TTYH2: variants seen among roughly 807,000 people sequenced by gnomAD.
TTYH2 encodes tweety family member 2.
TTYH2 carries 49 observed loss-of-function variants against 68.3 expected under a neutral mutation model. That is an observed-to-expected ratio of 0.72 (90% CI 0.57 to 0.91). TTYH2 has a LOEUF of 0.91. Among genes scored for constraint, TTYH2 ranks in the 40% least tolerant of loss-of-function variants. The pLI is 0.00. For synonymous variants in TTYH2, 272 were observed against 300.8 expected (o/e 0.90, Z 0.99); for missense variants, 631 against 700.4 (o/e 0.90, Z 1.12).
At chr17:74,254,777 G>C (rs1402024699) in intron 13 of TTYH2, among the ~76,000 whole-genome samples, 2 of 152,172 alleles carry the variant, frequency 1.3e-5, no homozygotes, top group Admixed American at 6.5e-5. Context: ...TTCCCTTTTT[G>C]CTCCAGAGAA....
intron 1 of TTYH2, among the ~76,000 whole-genome samples, chr17:74,219,894 G>T (rs2143715137): frequency 1.3e-5 from 2 of 152,178 alleles, no homozygotes; most frequent in Middle Eastern, 3.4e-3. Context: ...TCTTCTGAGG[G>T]ACACAGCCCT....
chr17:74,214,185 TGAGTA>T lies in TTYH2; in HGVS notation c.129+474_129+478del, dbSNP rs991169885. On this transcript the variant is annotated intron_variant, in intron 1 of 13. Transcript: ENST00000269346. This position sits in a 1 kb window ranked among gnomAD's most constrained non-coding sequence, Gnocchi z 4.6. ...TGGCCTAGGAAAGTTTGGCAGAAAC[TGAGTA>T]GAGTCTCCCGAGTCGGTCTTCGCAG... Among the ~76,000 whole-genome samples the T allele has an allele frequency of 1.8e-4, 27 of 152,090 alleles. No individual in the cohort carries two copies. Among genetic ancestry groups the T allele is most frequent in the African/African-American group, 5.8e-4 (24 of 41,506 alleles).
In TTYH2 at chr17:74,231,592, A is replaced by T. The variant is rs979122425; in HGVS notation, c.414+593A>T. Among the ~76,000 whole-genome samples the T allele has an allele frequency of 2.0e-5, 3 of 151,992 alleles. No homozygotes were observed. In the East Asian group the frequency reaches 5.8e-4, roughly 29 times the overall value. On this transcript the variant is annotated intron_variant, in intron 3 of 13. Coordinates refer to ENST00000269346, the MANE Select transcript of TTYH2 (RefSeq NM_032646.6). ...CTTGGGAGGCTGAGGCAGGGAGATC[A>T]CTTGAGCCTGGGAAGCGGAGGTTGC... is the stretch of plus-strand genomic sequence containing the variant.
chr17:74,226,794 G>A (rs2050334791), intron 2 of TTYH2, among the ~76,000 whole-genome samples: 1 of 152,060 alleles, frequency 6.6e-6, no homozygotes, highest in South Asian at 2.1e-4. Context: ...TTGGGAAAGA[G>A]TAGTGTGAAC....
chr17:74,223,285 T>TGGGGG (rs1555597190), intron 2 of TTYH2, among the ~76,000 whole-genome samples: 1 of 117,734 alleles, frequency 8.5e-6, no homozygotes, highest in African/African-American at 3.5e-5. Flanking sequence ...GCTTTTTTTT[T>TGGGGG]GGGGGGCGGG....
At chr17:74,258,153 CAAAG>C (rs1320117045) in intron 13 of TTYH2, among the ~76,000 whole-genome samples, 1 of 151,402 alleles carries the variant, frequency 6.6e-6, no homozygotes, top group African/African-American at 2.4e-5. Flanking sequence ...GATTCTGTCT[CAAAG>C]AAAATAAAAA....
At chr17:74,226,570 G>T (rs542312075) in intron 2 of TTYH2, among the ~76,000 whole-genome samples, 1 of 152,296 alleles carries the variant, frequency 6.6e-6, no homozygotes, top group South Asian at 2.1e-4. Context: ...GCAGGAAGGA[G>T]AGTCGGGACA....
Position 74,222,350 on chromosome 17 carries a change from C to T in TTYH2, c.130-135C>T, listed in dbSNP as rs1272124554. 2.8e-6 allele frequency: 3 copies of T among 1,073,760 alleles called. No homozygotes were observed. The highest frequency in any genetic ancestry group is 3.2e-5 in the African/African-American group (2 of 62,714). 66.5% of individuals were successfully genotyped at this position (1,073,760 alleles called of 1,614,324 possible). On this transcript the variant is annotated intron_variant, in intron 1 of 13. Coordinates refer to ENST00000269346, the MANE Select transcript of TTYH2 (RefSeq NM_032646.6). The surrounding 1 kb of genome is among the most constrained non-coding windows in gnomAD (Gnocchi z 5.2). ...TCTGTTTACAGAGTAGGAGCTTGAA[C>T]CCTAGGTGGAGCTTGGAAGGATGGA...
intron 2 of TTYH2, among the ~76,000 whole-genome samples, chr17:74,228,749 A>G (rs946085989): frequency 6.6e-6 from 1 of 152,160 alleles, no homozygotes; most frequent in Admixed American, 6.6e-5. Context: ...GTGCCCTGGG[A>G]AGTGGAGGAC....
At chr17:74,231,123 G>A in intron 3 of TTYH2, 124 bp downstream of exon 3, 1 of 883,968 alleles carries the variant, frequency 1.1e-6, no homozygotes, top group Non-Finnish European at 1.7e-6. Flanking sequence ...TGACGCCTGA[G>A]GGCTGGACCC....
At chr17:74,254,122 T>C (rs2050668455) in intron 13 of TTYH2, among the ~76,000 whole-genome samples, 1 of 152,168 alleles carries the variant, frequency 6.6e-6, no homozygotes, top group African/African-American at 2.4e-5. Context: ...TAGTCCACCT[T>C]AATCCACTTG....
At chr17:74,257,587 G>A (rs1019556370) in intron 13 of TTYH2, among the ~76,000 whole-genome samples, 2 of 152,210 alleles carry the variant, frequency 1.3e-5, no homozygotes, top group African/African-American at 4.8e-5. Context: ...ACCTCACTGG[G>A]TGGGTGATGT....
chr17:74,246,827 G>A (rs549364055), intron 6 of TTYH2, among the ~76,000 whole-genome samples: 35 of 152,264 alleles, frequency 2.3e-4, no homozygotes, highest in African/African-American at 7.7e-4. Flanking sequence ...AGCAAGTCAC[G>A]TCTTACATGG....
In TTYH2 at chr17:74,243,484, C is replaced by T; in HGVS notation, c.731+15C>T. On this transcript the variant is annotated intron_variant, in intron 5 of 13. Coordinates refer to ENST00000269346, the MANE Select transcript of TTYH2 (RefSeq NM_032646.6). ...CTCCTGGCCTCGTGAGTATCCCTAC[C>T]CGTGGACCTGGGACAAAGAGCTGGG... The T allele has an allele frequency of 6.2e-7, 1 of 1,612,780 alleles. No homozygotes were observed. The highest frequency in any genetic ancestry group is 8.5e-7 in the Non-Finnish European group (1 of 1,178,740).
chr17:74,237,028 C>G (rs576130619), intron 3 of TTYH2, among the ~76,000 whole-genome samples: 1 of 152,034 alleles, frequency 6.6e-6, no homozygotes, highest in Non-Finnish European at 1.5e-5. Context: ...TCCCAAGTAG[C>G]TAGGACTATA....
At position 74,222,486 on chromosome 17, in the gene TTYH2, C is replaced by T. The variant is rs746749564; in HGVS notation, c.131C>T (p.Ser44Leu). 6.8e-6 allele frequency: 11 copies of T among 1,607,856 alleles called. No individual in the cohort carries two copies. The highest frequency in any genetic ancestry group is 6.7e-5 in the Admixed American group (4 of 59,822). The stretch of plus-strand genomic sequence containing the variant: ...CAACAGGCCTCTGCTCTCTTCCAGT[C>T]GCTGCTGTTCCTGGGGCTGGTGGCC... ...FSPGDESYQE[S>L]LLFLGLVAAV... Residue 44 changes from serine to leucine, a missense_variant and splice_region_variant, in exon 2 of 14, where the codon TCG (serine) becomes TTG (leucine). Transcript: ENST00000269346. The surrounding 1 kb of genome is among the most constrained non-coding windows in gnomAD (Gnocchi z 5.2).
chr17:74,248,503 C>T, intron 6 of TTYH2: 1 of 992,666 alleles, frequency 1.0e-6, no homozygotes, highest in Non-Finnish European at 1.2e-6. Flanking sequence ...TCAGCACCAA[C>T]CTCATTCTTT....
At position 74,239,580 on chromosome 17, in the gene TTYH2, G is replaced by T. The variant is rs776125208; in HGVS notation, c.635+2066G>T. 1.8e-4 allele frequency among the ~76,000 whole-genome samples: 27 copies of T among 152,154 alleles called. No homozygotes were observed. Among genetic ancestry groups the T allele is most frequent in the Admixed American group, 3.3e-4 (5 of 15,288 alleles). On this transcript the variant is annotated intron_variant, in intron 4 of 13. Coordinates refer to ENST00000269346, the MANE Select transcript of TTYH2 (RefSeq NM_032646.6). The surrounding 1 kb of genome is among the most constrained non-coding windows in gnomAD (Gnocchi z 5.3). ...CTCCCCTTCCCAAAAATAGGAGGTG[G>T]CAGGTCCCTGAGCAGAGGGAGCTCA...
chr17:74,223,332 C>T (rs2050298056), intron 2 of TTYH2, among the ~76,000 whole-genome samples: 1 of 151,924 alleles, frequency 6.6e-6, no homozygotes, highest in African/African-American at 2.4e-5. Context: ...CATCAAGTTC[C>T]CCAGGCTGAT....
Sources: allele counts gnomAD v4.1 joint callset (sites outside exome capture counted in the v4.1 genomes callset), GRCh38; gene constraint gnomAD v4.1.1; non-coding constraint Gnocchi (gnomAD v3.1); transcripts MANE v1.5; gene names NCBI Gene and HGNC (gene_info 2026-07-23, HGNC 2026-07-21).